Variants in DNM3 observed in about 807,000 individuals in gnomAD.
DNM3 encodes dynamin 3.
DNM3 carries 47 observed loss-of-function variants against 101.6 expected under a neutral mutation model. The observed-to-expected ratio is 0.46, with a 90% confidence interval of 0.37 to 0.59. The LOEUF (loss-of-function observed/expected upper bound fraction) is 0.59. DNM3 is among the 20% of genes least tolerant of loss of function. The pLI, the probability that DNM3 is intolerant of heterozygous loss-of-function variation, is 0.00. For synonymous variants in DNM3, 385 were observed against 387.9 expected (o/e 0.99, Z 0.09); for missense variants, 849 against 1,085.7 (o/e 0.78, Z 3.06).
intron 17 of DNM3, among the ~76,000 whole-genome samples, chr1:172,354,108 T>TGAGAGAGAGAGAGAGA (rs1181407960): frequency 0.031 from 932 of 30,526 alleles, 5 homozygotes; most frequent in Non-Finnish European, 0.058. Context: ...TGTGTGTGTG[T>TGAGAGAGAGAGAGAGA]GTGTGAGAGA....
chr1:172,252,742 G>A lies in DNM3; in HGVS notation c.1660-831G>A, dbSNP rs187344949. 5.1e-3 allele frequency among the ~76,000 whole-genome samples: 776 copies of A among 152,216 alleles called. 4 individuals are homozygous for A. Among genetic ancestry groups the A allele is most frequent in the African/African-American group, 0.018 (732 of 41,548 alleles). Reference sequence around the variant, plus strand: ...TTTTTACATGTAAATAATATTGCCCGTGGGCCAGTCCCTAAAAGTAAATGT... The same window carrying A: ...TTTTTACATGTAAATAATATTGCCCATGGGCCAGTCCCTAAAAGTAAATGT... On this transcript the variant is annotated intron_variant, in intron 14 of 20. Transcript: ENST00000627582.
At chr1:172,253,247 G>A (rs543577637) in intron 14 of DNM3, among the ~76,000 whole-genome samples, 5 of 152,068 alleles carry the variant, frequency 3.3e-5, no homozygotes, top group African/African-American at 1.2e-4. Context: ...GGGAAAGGAC[G>A]GAGGACCATG....
intron 17 of DNM3, among the ~76,000 whole-genome samples, chr1:172,349,790 T>C (rs1304523403): frequency 1.3e-5 from 2 of 152,142 alleles, no homozygotes; most frequent in Non-Finnish European, 2.9e-5. Context: ...CCAAAGACTA[T>C]TTTTGCCTTT....
At chr1:171,937,354 A>G (rs767646884) in intron 2 of DNM3, among the ~76,000 whole-genome samples, 5 of 152,124 alleles carry the variant, frequency 3.3e-5, no homozygotes, top group Admixed American at 2.6e-4. Flanking sequence ...CTTAAACTAC[A>G]GCTTTGACCT....
intron 1 of DNM3, among the ~76,000 whole-genome samples, chr1:171,913,555 G>T (rs572134330): frequency 6.6e-6 from 1 of 152,286 alleles, no homozygotes; most frequent in Admixed American, 6.5e-5. Flanking sequence ...AAAGTTCCCG[G>T]ATTTGGGCAT....
chr1:171,997,122 G>C (rs2046050850), intron 4 of DNM3, among the ~76,000 whole-genome samples: 1 of 151,868 alleles, frequency 6.6e-6, no homozygotes, highest in Non-Finnish European at 1.5e-5. Context: ...ACTTTACCAG[G>C]CTTTGTTATT....
chr1:171,857,554 G>A (rs742509), intron 1 of DNM3, among the ~76,000 whole-genome samples: 88,686 of 151,956 alleles, frequency 0.58, 26,093 homozygotes, highest in East Asian at 0.8. Flanking sequence ...GGAACATCCC[G>A]TTTGAACACT....
chr1:172,369,584 C>T (rs12133952), intron 17 of DNM3, among the ~76,000 whole-genome samples: 9,712 of 151,946 alleles, frequency 0.064, 366 homozygotes, highest in South Asian at 0.14. Context: ...ACTTTCTCTA[C>T]TCTTATTTAA....
exon 21 of DNM3, chr1:172,418,335 C>G (rs1285729788): frequency 1.6e-6 from 2 of 1,288,200 alleles, no homozygotes; most frequent in Non-Finnish European, 2.0e-6. Context: ...CATTCATCTC[C>G]TTTTGTTTCC....
chr1:171,931,204 C>T (rs570617684), intron 2 of DNM3, among the ~76,000 whole-genome samples: 3 of 152,254 alleles, frequency 2.0e-5, no homozygotes, highest in South Asian at 4.1e-4. Context: ...GACTGGAAGA[C>T]GTAACAGTGT....
intron 12 of DNM3, among the ~76,000 whole-genome samples, chr1:172,083,872 T>A (rs934029928): frequency 3.9e-5 from 6 of 152,180 alleles, no homozygotes; most frequent in African/African-American, 1.4e-4. Flanking sequence ...TTTGACGTAG[T>A]CTCTCTGTGT....
intron 14 of DNM3, among the ~76,000 whole-genome samples, chr1:172,134,815 T>C (rs1209246779): frequency 2.6e-5 from 4 of 151,904 alleles, no homozygotes; most frequent in Non-Finnish European, 4.4e-5. Flanking sequence ...TCAGAGAAGG[T>C]TTGTGTTAAT....
At chr1:172,135,093 G>A (rs2057143315) in intron 14 of DNM3, among the ~76,000 whole-genome samples, 1 of 152,160 alleles carries the variant, frequency 6.6e-6, no homozygotes. Flanking sequence ...GGTCTGCATA[G>A]ATAATGGTAG....
chr1:172,019,902 G>C (rs1378188195), intron 4 of DNM3, among the ~76,000 whole-genome samples: 1 of 151,480 alleles, frequency 6.6e-6, no homozygotes, highest in African/African-American at 2.4e-5. Context: ...GAACTCTTAG[G>C]ATGTTAATCA....
At chr1:172,165,597 A>C (rs146509142) in intron 14 of DNM3, among the ~76,000 whole-genome samples, 12 of 152,126 alleles carry the variant, frequency 7.9e-5, no homozygotes, top group Non-Finnish European at 8.8e-5. Context: ...GACCTCCAGC[A>C]GGGATTTCCC....
At position 171,841,589 on chromosome 1, in the gene DNM3, C is replaced by T. The variant is rs2031190771; in HGVS notation, c.-68C>T. Reference sequence around the variant, plus strand: ...CGCAGCAGCAGCAGCCAGGGCAGCGCGGCCCCTACTCCCTGTCAGGTCGTA... The same window carrying T: ...CGCAGCAGCAGCAGCCAGGGCAGCGTGGCCCCTACTCCCTGTCAGGTCGTA... On this transcript the variant is annotated 5_prime_UTR_variant, in exon 1 of 21. Transcript: ENST00000627582. The T allele has an allele frequency of 1.9e-6, 3 of 1,544,948 alleles. No homozygotes were observed. The highest frequency in any genetic ancestry group is 1.2e-5 in the South Asian group (1 of 84,100).
chr1:172,232,469 G>T lies in DNM3; in HGVS notation c.1660-21104G>T, dbSNP rs573850406. ...CTTTAACACCCCACTGTCAACATAAGACAGATCAACGAGACAGAAAGTTAA... is the reference window on the plus strand; with the variant it reads ...CTTTAACACCCCACTGTCAACATAATACAGATCAACGAGACAGAAAGTTAA... On this transcript the variant is annotated intron_variant, in intron 14 of 20. Coordinates refer to ENST00000627582, the MANE Select transcript of DNM3 (RefSeq NM_015569.5). Among the ~76,000 whole-genome samples the T allele has an allele frequency of 3.6e-3, 542 of 152,144 alleles. 7 individuals carry two copies. In the South Asian group the frequency reaches 0.043, roughly 12 times the overall value.
chr1:172,218,932 A>C (rs764322), intron 14 of DNM3, among the ~76,000 whole-genome samples: 8,812 of 152,242 alleles, frequency 0.058, 338 homozygotes, highest in East Asian at 0.22. Flanking sequence ...CACCTTCTTC[A>C]AAACTATGAA....
intron 15 of DNM3, among the ~76,000 whole-genome samples, chr1:172,281,369 T>C (rs1028736511): frequency 6.6e-6 from 1 of 152,056 alleles, no homozygotes; most frequent in Non-Finnish European, 1.5e-5. Context: ...GGTTCACAAA[T>C]GAATCATCAC....
Sources: allele counts gnomAD v4.1 joint callset (sites outside exome capture counted in the v4.1 genomes callset), GRCh38; gene constraint gnomAD v4.1.1; transcripts MANE v1.5; gene names NCBI Gene and HGNC (gene_info 2026-07-23, HGNC 2026-07-21).